The following CADM2 variants were observed in gnomAD, a reference collection of about 807,000 sequenced individuals.
The protein encoded by CADM2 is immunoglobulin superfamily member 4D.
A neutral mutation model predicts 49.8 loss-of-function variants in CADM2; 12 were observed. That is an observed-to-expected ratio of 0.24 (90% CI 0.15 to 0.39). CADM2 has a LOEUF of 0.39. Ranked by LOEUF, CADM2 falls within the 10% of genes least tolerant of loss-of-function variation. The pLI, the probability that CADM2 is intolerant of heterozygous loss-of-function variation, is 1.00. For missense variants in CADM2, 378 were observed against 492.3 expected (o/e 0.77, Z 2.20); for synonymous variants, 214 against 175.4 (o/e 1.22, Z -1.74).
chr3:85,767,406 A>G (rs1281973886), intron 2 of CADM2, among the ~76,000 whole-genome samples: 1 of 152,196 alleles, frequency 6.6e-6, no homozygotes, highest in Non-Finnish European at 1.5e-5. Context: ...CTCATGATCT[A>G]GTTTTAAGTA....
chr3:86,058,981 C>A (rs1738308746), intron 8 of CADM2, among the ~76,000 whole-genome samples: 4 of 151,370 alleles, frequency 2.6e-5, no homozygotes, highest in Admixed American at 1.3e-4. Flanking sequence ...ATAATCTCAG[C>A]TACTTGGGTG....
chr3:85,404,258 A>G (rs923792604), intron 1 of CADM2, among the ~76,000 whole-genome samples: 2 of 152,132 alleles, frequency 1.3e-5, no homozygotes, highest in Admixed American at 1.3e-4. Context: ...TTCATTCACC[A>G]TAGCATTCCT....
intron 1 of CADM2, among the ~76,000 whole-genome samples, chr3:85,459,409 G>A (rs1576593913): frequency 6.6e-6 from 1 of 152,208 alleles, no homozygotes; most frequent in Admixed American, 6.5e-5. Flanking sequence ...AGAAATGGGA[G>A]TGTGTGGAAT....
At chr3:85,208,571 A>C (rs1164558211) in intron 1 of CADM2, among the ~76,000 whole-genome samples, 2 of 152,164 alleles carry the variant, frequency 1.3e-5, no homozygotes, top group Non-Finnish European at 2.9e-5. Flanking sequence ...TTTAATGACA[A>C]CCCAGCCACA....
intron 8 of CADM2, among the ~76,000 whole-genome samples, chr3:86,026,715 G>A (rs1311563109): frequency 6.6e-6 from 1 of 152,108 alleles, no homozygotes; most frequent in Non-Finnish European, 1.5e-5. Flanking sequence ...CTTGATACAA[G>A]AGGAGAATTA....
intron 1 of CADM2, among the ~76,000 whole-genome samples, chr3:85,327,924 T>A (rs2044801644): frequency 6.6e-6 from 1 of 152,128 alleles, no homozygotes; most frequent in South Asian, 2.1e-4. Flanking sequence ...ATACTATCAA[T>A]TTACTTAAAC....
chr3:85,854,992 A>G (rs1386908957), intron 3 of CADM2, among the ~76,000 whole-genome samples: 1 of 152,098 alleles, frequency 6.6e-6, no homozygotes, highest in Non-Finnish European at 1.5e-5. Flanking sequence ...AGAAGTTTCC[A>G]CCTTATGCCC....
chr3:85,848,008 G>T (rs542294921), intron 3 of CADM2, among the ~76,000 whole-genome samples: 6 of 151,638 alleles, frequency 4.0e-5, no homozygotes, highest in Non-Finnish European at 8.8e-5. Context: ...TTTCTGTATG[G>T]AATTAATACA....
intron 1 of CADM2, among the ~76,000 whole-genome samples, chr3:85,230,559 CAAAT>C (rs1490932029): frequency 6.6e-6 from 1 of 152,124 alleles, no homozygotes; most frequent in Non-Finnish European, 1.5e-5. Flanking sequence ...AGTTGTGTAA[CAAAT>C]AGACTTGTGC....
In CADM2 at chr3:85,342,842, C is replaced by G. The variant is rs536393837; in HGVS notation, c.61+383174C>G. Among the ~76,000 whole-genome samples the G allele has an allele frequency of 7.5e-4, 114 of 152,226 alleles. 1 individual carries two copies. Among genetic ancestry groups the G allele is most frequent in the African/African-American group, 2.7e-3 (112 of 41,546 alleles). ...AACCCAAGCAAGAAGAGAGTCATAGCTGTAAACGTAAAGCACCGCTTTCCT... is the reference window on the plus strand; with the variant it reads ...AACCCAAGCAAGAAGAGAGTCATAGGTGTAAACGTAAAGCACCGCTTTCCT... On this transcript the variant is annotated intron_variant, in intron 1 of 9. Transcript: ENST00000383699.
intron 1 of CADM2, among the ~76,000 whole-genome samples, chr3:85,225,605 C>G (rs2042140390): frequency 6.6e-6 from 1 of 152,168 alleles, no homozygotes; most frequent in African/African-American, 2.4e-5. Flanking sequence ...TTTCTCTTGT[C>G]TGATTGCCCT....
intron 1 of CADM2, among the ~76,000 whole-genome samples, chr3:85,416,714 GT>G (rs1242393836): frequency 6.6e-6 from 1 of 152,072 alleles, no homozygotes; most frequent in Non-Finnish European, 1.5e-5. Flanking sequence ...GCAGAAATTT[GT>G]TTCTTCTAGT....
At chr3:85,493,738 G>T (rs1350183195) in intron 1 of CADM2, among the ~76,000 whole-genome samples, 1 of 152,178 alleles carries the variant, frequency 6.6e-6, no homozygotes, top group Non-Finnish European at 1.5e-5. Flanking sequence ...TGCCTTCAAT[G>T]CCTATTGAGT....
At chr3:85,848,842 AC>A (rs1380942159) in intron 3 of CADM2, among the ~76,000 whole-genome samples, 4 of 152,186 alleles carry the variant, frequency 2.6e-5, no homozygotes, top group African/African-American at 9.7e-5. Flanking sequence ...GCACTGGTCT[AC>A]TTCATTTCAT....
In CADM2 at chr3:84,963,941, C is replaced by A. The variant is rs561406153; in HGVS notation, c.61+4273C>A. Among the ~76,000 whole-genome samples, 13 of 152,214 alleles carry A rather than the reference C, an allele frequency of 8.5e-5. No individual in the cohort carries two copies. In the South Asian group the frequency reaches 2.7e-3, roughly 32 times the overall value. ...AACTTTGGAAAGTGGAGCCTATATA[C>A]TTAAATGCAATAACTGTGGCTTAAA... On this transcript the variant is annotated intron_variant, in intron 1 of 9. Transcript: ENST00000383699.
chr3:85,791,667 T>C (rs2071345778), intron 2 of CADM2, among the ~76,000 whole-genome samples: 1 of 152,062 alleles, frequency 6.6e-6, no homozygotes, highest in African/African-American at 2.4e-5. Flanking sequence ...TTGTACTTCA[T>C]TTAAACATGT....
chr3:85,146,047 A>G (rs1269724490), intron 1 of CADM2, among the ~76,000 whole-genome samples: 1 of 152,150 alleles, frequency 6.6e-6, no homozygotes, highest in Non-Finnish European at 1.5e-5. Context: ...TTTAAGGAAT[A>G]TTTTTAACCA....
chr3:85,680,104 A>G (rs182332933), intron 1 of CADM2, among the ~76,000 whole-genome samples: 7 of 152,234 alleles, frequency 4.6e-5, no homozygotes, highest in Admixed American at 4.6e-4. Flanking sequence ...ATAAATTTTT[A>G]AAAGGCCATT....
At chr3:86,004,687 A>G (rs1270610675) in intron 8 of CADM2, among the ~76,000 whole-genome samples, 1 of 152,166 alleles carries the variant, frequency 6.6e-6, no homozygotes, top group Non-Finnish European at 1.5e-5. Context: ...GCTGCTGGCT[A>G]TTTCTGCAAA....
Sources: allele counts gnomAD v4.1 joint callset (sites outside exome capture counted in the v4.1 genomes callset), GRCh38; gene constraint gnomAD v4.1.1; transcripts MANE v1.5; gene names NCBI Gene and HGNC (gene_info 2026-07-23, HGNC 2026-07-21).